Variants in COL4A2 observed in about 807,000 individuals in gnomAD.
The protein encoded by COL4A2 is collagen type IV alpha 2 chain.
A neutral mutation model predicts 200.2 loss-of-function variants in COL4A2; 99 were observed. That is an observed-to-expected ratio of 0.49 (90% CI 0.42 to 0.58). COL4A2 has a LOEUF of 0.58. COL4A2 is among the 20% of genes least tolerant of loss of function. The pLI, the probability that COL4A2 is intolerant of heterozygous loss-of-function variation, is 0.00. For missense variants in COL4A2, 1,950 were observed against 2,314.1 expected, an observed-to-expected ratio of 0.84 and a Z score of 3.23; for synonymous variants, 897 against 900.6, an observed-to-expected ratio of 1.00 and a Z score of 0.07.
At chr13:110,346,770 G>C (rs1307071907) in intron 3 of COL4A2, among the ~76,000 whole-genome samples, 1 of 152,154 alleles carries the variant, frequency 6.6e-6, no homozygotes, top group Non-Finnish European at 1.5e-5. Context: ...CAGGCTTCTA[G>C]ACCAGATGAC....
intron 4 of COL4A2, among the ~76,000 whole-genome samples, chr13:110,379,286 G>A (rs1207462005): frequency 6.6e-6 from 1 of 152,216 alleles, no homozygotes; most frequent in African/African-American, 2.4e-5. Flanking sequence ...CTGAAGTGCT[G>A]AAGGTGGGAG....
At chr13:110,398,291 A>G (rs560974859) in intron 4 of COL4A2, among the ~76,000 whole-genome samples, 1 of 152,338 alleles carries the variant, frequency 6.6e-6, no homozygotes, top group South Asian at 2.1e-4. Context: ...TCAACTGCCT[A>G]TAGAAATGAC....
intron 4 of COL4A2, among the ~76,000 whole-genome samples, chr13:110,406,038 G>T (rs992561638): frequency 6.6e-6 from 1 of 152,186 alleles, no homozygotes; most frequent in African/African-American, 2.4e-5. Context: ...TTCTTTCCTG[G>T]CATGTCAGAT....
At chr13:110,413,218 G>A (rs2139442501) in intron 4 of COL4A2, among the ~76,000 whole-genome samples, 1 of 152,326 alleles carries the variant, frequency 6.6e-6, no homozygotes, top group Non-Finnish European at 1.5e-5. Context: ...GAATTTCGGA[G>A]CCAGGCAGAG....
chr13:110,432,408 GTTTGTGGGTTTGTTTGT>G (rs1880716851), intron 11 of COL4A2, 48 bp downstream of exon 11: 1 of 1,553,550 alleles, frequency 6.4e-7, no homozygotes, highest in African/African-American at 1.4e-5. Flanking sequence ...GTACTTAGGT[GTTTGTGGGTTTGTTTGT>G]TTTTTACCAT....
intron 4 of COL4A2, among the ~76,000 whole-genome samples, chr13:110,374,671 A>G (rs888559627): frequency 6.6e-6 from 1 of 152,172 alleles, no homozygotes; most frequent in Non-Finnish European, 1.5e-5. Flanking sequence ...TTTGAAAACC[A>G]GAAAGGTTCT....
intron 3 of COL4A2, among the ~76,000 whole-genome samples, chr13:110,346,243 A>G (rs75909009): frequency 0.065 from 9,888 of 152,272 alleles, 981 homozygotes; most frequent in African/African-American, 0.22. Context: ...AGCCTTGGGA[A>G]TCCCAGACAG....
chr13:110,409,001 TACACACACAC>T lies in COL4A2; in HGVS notation c.181-15731_181-15722del, dbSNP rs372790473. Reference sequence around the variant, plus strand: ...ACACACACATGCACACACGCACACATACACACACACATACACATGGACACGCGCACACGTT... The same window carrying T: ...ACACACACATGCACACACGCACACATATACACATGGACACGCGCACACGTT... On this transcript the variant is annotated intron_variant, in intron 4 of 47. Transcript: ENST00000360467. Among the ~76,000 whole-genome samples, 2 of 31,522 alleles carry T rather than the reference TACACACACAC, an allele frequency of 6.3e-5. 1 individual carries two copies. Among genetic ancestry groups the T allele is most frequent in the Non-Finnish European group, 1.2e-4 (2 of 16,442 alleles). The allele number at this position is 31,522 out of a possible 152,430, so 20.7% of individuals were successfully genotyped here. A position where few individuals can be genotyped will look rare whatever the true frequency, so the allele number is the denominator to read the frequency against.
chr13:110,370,565 TTGTTGTTGTTG>T (rs1172260086), intron 4 of COL4A2, among the ~76,000 whole-genome samples: 2 of 152,158 alleles, frequency 1.3e-5, no homozygotes, highest in African/African-American at 2.4e-5. Context: ...TTGTATTTTG[TTGTTGTTGTTG>T]TGTTGTTGTT....
Position 110,429,890 on chromosome 13 carries a change from C to T in COL4A2, c.483C>T (p.Pro161=). ...GSEGFTGPPG[P]QGPKGQKGEP... The stretch of plus-strand genomic sequence containing the variant: ...ACAATATATCTGCTAATTAGGGGCC[C>T]CAAGGACCAAAAGGGCAGAAAGGTG... Residue 161 remains proline, a synonymous_variant, in exon 8 of 48, where the codon CCC becomes CCT. Transcript: ENST00000360467. 1 of 1,612,716 alleles carries T rather than the reference C, an allele frequency of 6.2e-7. No individual in the cohort carries two copies. The highest frequency in any genetic ancestry group is 2.2e-5 in the East Asian group (1 of 44,736).
chr13:110,311,798 C>T (rs932683495), intron 3 of COL4A2, among the ~76,000 whole-genome samples: 3 of 152,220 alleles, frequency 2.0e-5, no homozygotes, highest in Admixed American at 2.0e-4. Context: ...GGACCTCTGG[C>T]CGGGACCTGG....
In COL4A2 at chr13:110,428,559, C is replaced by T; in HGVS notation, c.453C>T (p.Gly151=). Residue 151 remains glycine, a synonymous_variant, in exon 7 of 48, where the codon GGC becomes GGT. Coordinates refer to ENST00000360467, the MANE Select transcript of COL4A2 (RefSeq NM_001846.4). ...QGDSGPQGPP[G]SEGFTGPPGP... ...ACTCAGGTCCACAGGGGCCCCCCGG[C>T]TCTGAGGGGTTCACCGGGCCTCCCG... 6.4e-7 allele frequency: 1 copy of T among 1,561,718 alleles called. No homozygotes were observed. Among genetic ancestry groups the T allele is most frequent in the Non-Finnish European group, 8.6e-7 (1 of 1,160,826 alleles).
At chr13:110,447,549 G>A (rs759808533) in intron 18 of COL4A2, among the ~76,000 whole-genome samples, 9 of 151,978 alleles carry the variant, frequency 5.9e-5, no homozygotes, top group African/African-American at 1.2e-4. Flanking sequence ...TGTAGAATGC[G>A]CATCCTTCTA....
At chr13:110,486,886 T>G (rs1883136172) in intron 34 of COL4A2, among the ~76,000 whole-genome samples, 1 of 152,200 alleles carries the variant, frequency 6.6e-6, no homozygotes, top group Non-Finnish European at 1.5e-5. Context: ...ACAGGCCATT[T>G]TCACTTCTTT....
chr13:110,455,460 C>G (rs1231860236), intron 20 of COL4A2, among the ~76,000 whole-genome samples: 1 of 152,170 alleles, frequency 6.6e-6, no homozygotes, highest in African/African-American at 2.4e-5. Flanking sequence ...TTCACTGGGC[C>G]TCTCCCTGCT....
chr13:110,492,848 G>A (rs759079182), intron 38 of COL4A2, among the ~76,000 whole-genome samples: 2 of 152,220 alleles, frequency 1.3e-5, no homozygotes, highest in Non-Finnish European at 2.9e-5. Context: ...TAACATAAGA[G>A]TGCTTAGTTT....
chr13:110,443,214 G>A (rs773453082), intron 16 of COL4A2, among the ~76,000 whole-genome samples: 11 of 152,292 alleles, frequency 7.2e-5, no homozygotes, highest in South Asian at 2.1e-4. Context: ...TTGCAGAGGC[G>A]CCTCTTTCAA....
chr13:110,315,104 G>A (rs182555594), intron 3 of COL4A2, among the ~76,000 whole-genome samples: 3 of 152,322 alleles, frequency 2.0e-5, no homozygotes, highest in Admixed American at 6.5e-5. Flanking sequence ...GCCTCTGCCC[G>A]GCCCCTGCCA....
chr13:110,332,040 A>G (rs1482338537), intron 3 of COL4A2, among the ~76,000 whole-genome samples: 2 of 152,224 alleles, frequency 1.3e-5, no homozygotes, highest in Non-Finnish European at 2.9e-5. Context: ...AAGCTCATTC[A>G]TTAATTCTAA....
Sources: allele counts gnomAD v4.1 joint callset (sites outside exome capture counted in the v4.1 genomes callset), GRCh38; gene constraint gnomAD v4.1.1; transcripts MANE v1.5; gene names NCBI Gene and HGNC (gene_info 2026-07-23, HGNC 2026-07-21).